The following PPP1R9A variants were observed in gnomAD, a reference collection of about 807,000 sequenced individuals.
The protein encoded by PPP1R9A is protein phosphatase 1 regulatory subunit 9A.
In PPP1R9A, 59 loss-of-function variants were observed where a neutral mutation model predicts 141.9. The ratio of observed to expected loss-of-function variants is 0.42; its 90% CI spans 0.34 to 0.52. The LOEUF is 0.52. PPP1R9A is among the 20% of genes least tolerant of loss of function. The pLI is 0.10. For missense variants in PPP1R9A, 1,444 were observed against 1,611.9 expected (o/e 0.90, Z 1.78); for synonymous variants, 500 against 569.7 (o/e 0.88, Z 1.74).
At chr7:95,140,315 T>C (rs113207175) in intron 4 of PPP1R9A, among the ~76,000 whole-genome samples, 2 of 152,324 alleles carry the variant, frequency 1.3e-5, no homozygotes, top group African/African-American at 4.8e-5. Flanking sequence ...GGAGAAGGCA[T>C]ATATACAGTA....
At chr7:95,260,524 C>A (rs993779324) in intron 12 of PPP1R9A, among the ~76,000 whole-genome samples, 2 of 151,916 alleles carry the variant, frequency 1.3e-5, no homozygotes. Context: ...ACTAAAAATA[C>A]AAAAATTAGC....
intron 7 of PPP1R9A, among the ~76,000 whole-genome samples, chr7:95,216,930 T>C (rs1389126092): frequency 6.6e-6 from 1 of 152,190 alleles, no homozygotes; most frequent in Middle Eastern, 3.2e-3. Context: ...CAATTTGACT[T>C]CCTCTTTTCC....
At chr7:95,210,584 G>C (rs1246228911) in intron 7 of PPP1R9A, among the ~76,000 whole-genome samples, 1 of 151,986 alleles carries the variant, frequency 6.6e-6, no homozygotes, top group African/African-American at 2.4e-5. Context: ...TCCTGCCTCA[G>C]CCTCCTCACT....
intron 8 of PPP1R9A, among the ~76,000 whole-genome samples, chr7:95,246,996 G>GC (rs1798209353): frequency 6.6e-6 from 1 of 152,126 alleles, no homozygotes; most frequent in Non-Finnish European, 1.5e-5. Flanking sequence ...CTCTCCCTTT[G>GC]CAGTGGAGCT....
At chr7:94,914,428 T>C (rs370260474) in intron 2 of PPP1R9A, among the ~76,000 whole-genome samples, 1 of 152,228 alleles carries the variant, frequency 6.6e-6, no homozygotes, top group Admixed American at 6.5e-5. Flanking sequence ...CTTGTACTTG[T>C]ACATATACCT....
intron 16 of PPP1R9A, among the ~76,000 whole-genome samples, chr7:95,277,367 C>T (rs1211944716): frequency 6.6e-6 from 1 of 152,160 alleles, no homozygotes; most frequent in Admixed American, 6.5e-5. Flanking sequence ...ATAAACCCAA[C>T]AAAGAAATAT....
chr7:95,201,610 A>G (rs1434744862), intron 6 of PPP1R9A, among the ~76,000 whole-genome samples: 2 of 152,206 alleles, frequency 1.3e-5, no homozygotes, highest in Non-Finnish European at 1.5e-5. Flanking sequence ...TTTGTGAATG[A>G]AGAATAAAAT....
chr7:94,946,592 A>G, intron 2 of PPP1R9A, among the ~76,000 whole-genome samples: 1 of 152,284 alleles, frequency 6.6e-6, no homozygotes, highest in Middle Eastern at 3.4e-3. Flanking sequence ...TTCTTTAGTC[A>G]GAAAACACTT....
Position 95,286,344 on chromosome 7 carries a change from G to T in PPP1R9A, c.3729+19G>T. 1 of 1,610,824 alleles carries T rather than the reference G, an allele frequency of 6.2e-7. No individual in the cohort carries two copies. Among genetic ancestry groups the T allele is most frequent in the South Asian group, 1.1e-5 (1 of 90,640 alleles). On this transcript the variant is annotated intron_variant, in intron 18 of 19. Coordinates refer to ENST00000433360, the MANE Select transcript of PPP1R9A (RefSeq NM_001166160.2). ...AGATGAGGTAATTCCATGGCACTAT[G>T]ACAGAGCTGCTTTGTCAAATCTGAC... is the stretch of plus-strand genomic sequence containing the variant.
At chr7:95,242,772 T>C (rs973662884) in intron 8 of PPP1R9A, among the ~76,000 whole-genome samples, 3 of 152,128 alleles carry the variant, frequency 2.0e-5, no homozygotes, top group Non-Finnish European at 4.4e-5. Flanking sequence ...GACTTTTACC[T>C]GCAGTCCTTA....
At chr7:95,096,457 G>C (rs1471715890) in intron 2 of PPP1R9A, among the ~76,000 whole-genome samples, 1 of 152,074 alleles carries the variant, frequency 6.6e-6, no homozygotes, top group African/African-American at 2.4e-5. Context: ...AGGATCACTT[G>C]GAGAAAAATC....
intron 2 of PPP1R9A, 150 bp downstream of exon 2, chr7:94,911,658 T>A (rs1415435340): frequency 2.4e-5 from 15 of 631,580 alleles, no homozygotes; most frequent in Non-Finnish European, 4.0e-5. Context: ...CAGGTGATTT[T>A]AAAAGTTCAG....
At chr7:95,171,342 A>G (rs967326007) in intron 5 of PPP1R9A, among the ~76,000 whole-genome samples, 1 of 151,574 alleles carries the variant, frequency 6.6e-6, no homozygotes, top group Non-Finnish European at 1.5e-5. Context: ...AACAGGATAG[A>G]AAAAATGTGT....
At chr7:95,155,720 G>A (rs149786167) in intron 4 of PPP1R9A, 42 of 152,192 alleles carry the variant, frequency 2.8e-4, no homozygotes, top group Admixed American at 1.6e-3. Context: ...TCCTAATTAA[G>A]TAGAGGACTA....
Position 95,002,989 on chromosome 7 carries a change from G to A in PPP1R9A, c.1395+91481G>A, listed in dbSNP as rs150002745. On this transcript the variant is annotated intron_variant, in intron 2 of 19. Coordinates refer to ENST00000433360, the MANE Select transcript of PPP1R9A (RefSeq NM_001166160.2). ...CTGATCCTGAGTCCTGCTGGTTGGA[G>A]AGTTGCCAGTGTCATCATAACTTGT... Among the ~76,000 whole-genome samples the A allele has an allele frequency of 5.9e-3, 895 of 152,210 alleles. 5 individuals carry two copies. The highest frequency in any genetic ancestry group is 9.6e-3 in the Non-Finnish European group (655 of 68,028).
At chr7:94,988,396 A>T (rs1801108779) in intron 2 of PPP1R9A, among the ~76,000 whole-genome samples, 1 of 152,104 alleles carries the variant, frequency 6.6e-6, no homozygotes, top group Admixed American at 6.6e-5. Context: ...AAATTATTGG[A>T]TAAGACACCA....
intron 4 of PPP1R9A, among the ~76,000 whole-genome samples, chr7:95,133,661 C>A (rs1420073930): frequency 6.6e-6 from 1 of 151,716 alleles, no homozygotes; most frequent in Non-Finnish European, 1.5e-5. Context: ...GACCAGAAGA[C>A]CATGTCCAGG....
chr7:95,050,859 A>C (rs1810695934), intron 2 of PPP1R9A, among the ~76,000 whole-genome samples: 1 of 152,218 alleles, frequency 6.6e-6, no homozygotes, highest in Admixed American at 6.5e-5. Context: ...ATATCATAGA[A>C]TTTTATAATA....
intron 3 of PPP1R9A, among the ~76,000 whole-genome samples, chr7:95,111,602 G>C (rs1180650253): frequency 1.3e-5 from 2 of 152,128 alleles, no homozygotes; most frequent in Non-Finnish European, 2.9e-5. Flanking sequence ...ATCTATCTTA[G>C]CTGGCTGCGA....
Sources: gnomAD v4.1 joint callset for allele counts (sites outside exome capture counted in the v4.1 genomes callset) on GRCh38, gnomAD v4.1.1 for gene constraint, MANE v1.5 for transcripts, NCBI Gene and HGNC (gene_info 2026-07-23, HGNC 2026-07-21) for gene names.